The following ARHGAP44 variants were observed in gnomAD, a reference collection of about 807,000 sequenced individuals.
ARHGAP44 encodes rho GTPase-activating protein 44.
Under a neutral mutation model 106.8 loss-of-function variants are expected in ARHGAP44, and 43 were observed. The ratio of observed to expected loss-of-function variants is 0.40; its 90% CI spans 0.32 to 0.52. ARHGAP44 has a LOEUF of 0.52. Among genes scored for constraint, ARHGAP44 ranks in the 20% least tolerant of loss-of-function variants. The probability of loss-of-function intolerance (pLI) is 0.48; values close to 1 mark genes in which losing one functional copy is unlikely to be tolerated. For synonymous variants in ARHGAP44, 439 were observed against 410.3 expected (o/e 1.07, Z -0.85); for missense variants, 866 against 1,050.5 (o/e 0.82, Z 2.43).
At chr17:12,848,891 A>AG (rs2150843556) in intron 1 of ARHGAP44, among the ~76,000 whole-genome samples, 1 of 152,246 alleles carries the variant, frequency 6.6e-6, no homozygotes, top group East Asian at 1.9e-4. Flanking sequence ...TACTAAAAAA[A>AG]TACAAAATTA....
intron 1 of ARHGAP44, among the ~76,000 whole-genome samples, chr17:12,886,964 G>GTTTT (rs769468845): frequency 1.8e-4 from 20 of 108,992 alleles, no homozygotes; most frequent in African/African-American, 6.3e-4. Context: ...TTTTCTAAGA[G>GTTTT]TTTTTTTTTT....
intron 1 of ARHGAP44, among the ~76,000 whole-genome samples, chr17:12,817,815 A>G (rs985421568): frequency 5.9e-5 from 9 of 152,032 alleles, no homozygotes; most frequent in African/African-American, 2.2e-4. Context: ...GAAATTCACC[A>G]AAGAAGAAAT....
chr17:12,855,870 G>A (rs928933231), intron 1 of ARHGAP44, among the ~76,000 whole-genome samples: 17 of 152,300 alleles, frequency 1.1e-4, no homozygotes, highest in African/African-American at 4.1e-4. Context: ...TGGATATAAG[G>A]CTTTGAAATG....
At chr17:12,903,455 C>T (rs964797436) in intron 3 of ARHGAP44, among the ~76,000 whole-genome samples, 3 of 152,082 alleles carry the variant, frequency 2.0e-5, no homozygotes, top group Admixed American at 2.0e-4. Context: ...GATCTTTTTA[C>T]CTGGGCACTA....
chr17:12,932,914 G>A (rs912687478), intron 7 of ARHGAP44, among the ~76,000 whole-genome samples: 2 of 152,006 alleles, frequency 1.3e-5, no homozygotes, highest in Non-Finnish European at 2.9e-5. Flanking sequence ...CTTCAGTAAG[G>A]TAGCCCCCAC....
intron 10 of ARHGAP44, among the ~76,000 whole-genome samples, chr17:12,947,809 G>C (rs890564079): frequency 6.6e-6 from 1 of 152,292 alleles, no homozygotes. Flanking sequence ...GGCTGTCTTT[G>C]TCGTAGCAGC....
chr17:12,802,391 C>T (rs540298180), intron 1 of ARHGAP44, among the ~76,000 whole-genome samples: 1 of 152,134 alleles, frequency 6.6e-6, no homozygotes, highest in Non-Finnish European at 1.5e-5. Flanking sequence ...AGGACAGTGT[C>T]GTCAGAGGCC....
intron 1 of ARHGAP44, among the ~76,000 whole-genome samples, chr17:12,892,518 G>A (rs552631454): frequency 6.6e-6 from 1 of 152,036 alleles, no homozygotes; most frequent in South Asian, 2.1e-4. Flanking sequence ...ATTTCTCTGA[G>A]TATTTTTTAG....
intron 4 of ARHGAP44, among the ~76,000 whole-genome samples, chr17:12,914,806 A>AG (rs934670281): frequency 2.6e-5 from 4 of 151,490 alleles, no homozygotes; most frequent in Admixed American, 1.3e-4. Flanking sequence ...CAAGAAAAAA[A>AG]AAAAAAAACC....
intron 1 of ARHGAP44, among the ~76,000 whole-genome samples, chr17:12,839,779 A>T (rs1330394731): frequency 6.6e-6 from 1 of 152,166 alleles, no homozygotes; most frequent in Non-Finnish European, 1.5e-5. Context: ...CTCTTTTCAC[A>T]TTATACCTCA....
At chr17:12,925,874 T>C (rs1404951268) in intron 6 of ARHGAP44, among the ~76,000 whole-genome samples, 2 of 152,184 alleles carry the variant, frequency 1.3e-5, no homozygotes, top group African/African-American at 4.8e-5. Flanking sequence ...TCATAATTCG[T>C]GTTACTTTTC....
intron 1 of ARHGAP44, among the ~76,000 whole-genome samples, chr17:12,871,265 C>G (rs1045369590): frequency 6.6e-6 from 1 of 152,182 alleles, no homozygotes; most frequent in Non-Finnish European, 1.5e-5. Flanking sequence ...TAGGTGGGGC[C>G]TGGTGGGAGG....
At chr17:12,938,992 C>A (rs1358235809) in intron 7 of ARHGAP44, among the ~76,000 whole-genome samples, 1 of 152,176 alleles carries the variant, frequency 6.6e-6, no homozygotes, top group Non-Finnish European at 1.5e-5. Flanking sequence ...GCCTTCTTTC[C>A]TTTCCTCTGT....
At chr17:12,859,812 G>A (rs2036015765) in intron 1 of ARHGAP44, among the ~76,000 whole-genome samples, 1 of 152,242 alleles carries the variant, frequency 6.6e-6, no homozygotes, top group South Asian at 2.1e-4. Context: ...AAAGCCACAT[G>A]AGCAGGCACG....
intron 13 of ARHGAP44, chr17:12,955,625 T>C (rs1382971538): frequency 1.4e-5 from 6 of 416,786 alleles, no homozygotes; most frequent in African/African-American, 2.0e-5. Flanking sequence ...GGAGACTTTC[T>C]GGCCAGTGTT....
intron 3 of ARHGAP44, among the ~76,000 whole-genome samples, chr17:12,902,126 C>A (rs1473588804): frequency 6.6e-6 from 1 of 152,160 alleles, no homozygotes; most frequent in East Asian, 1.9e-4. Flanking sequence ...AGAATAAAAT[C>A]TGAACTCCTT....
In ARHGAP44 at chr17:12,949,501, C is replaced by A; in HGVS notation, c.974-148C>A. ...CCAGGTCCCCTGTCAGAGCCTCATA[C>A]CCATTTCCATAGGAAGCTACCATTT... On this transcript the variant is annotated intron_variant, in intron 11 of 20. Coordinates refer to ENST00000379672, the MANE Select transcript of ARHGAP44 (RefSeq NM_014859.6). This position sits in a 1 kb window ranked among gnomAD's most constrained non-coding sequence, Gnocchi z 4.1. The A allele has an allele frequency of 2.6e-6, 2 of 769,418 alleles. No homozygotes were observed. The highest frequency in any genetic ancestry group is 2.7e-5 in the Admixed American group (1 of 36,962). The allele number at this position is 769,418 out of a possible 1,614,324, so 47.7% of individuals were successfully genotyped here.
At chr17:12,870,807 A>C (rs956601295) in intron 1 of ARHGAP44, among the ~76,000 whole-genome samples, 2 of 152,106 alleles carry the variant, frequency 1.3e-5, no homozygotes, top group African/African-American at 4.8e-5. Flanking sequence ...CCATTTTTAA[A>C]ATTGTTATAT....
At chr17:12,951,378 C>A (rs572689708) in intron 12 of ARHGAP44, among the ~76,000 whole-genome samples, 1 of 152,258 alleles carries the variant, frequency 6.6e-6, no homozygotes, top group East Asian at 1.9e-4. Context: ...CCAAGGAGTC[C>A]GGTTTCAGGG....
Sources: allele counts gnomAD v4.1 joint callset (sites outside exome capture counted in the v4.1 genomes callset), GRCh38; gene constraint gnomAD v4.1.1; non-coding constraint Gnocchi (gnomAD v3.1); transcripts MANE v1.5; gene names NCBI Gene and HGNC (gene_info 2026-07-23, HGNC 2026-07-21).